Variants in CLSTN1 observed in about 807,000 individuals in gnomAD.
The protein encoded by CLSTN1 is calsyntenin 1.
CLSTN1 carries 28 observed loss-of-function variants against 108.3 expected under a neutral mutation model. The ratio of observed to expected loss-of-function variants is 0.26; its 90% CI spans 0.19 to 0.35. The LOEUF (loss-of-function observed/expected upper bound fraction) is 0.35. CLSTN1 is among the 10% of genes least tolerant of loss of function. CLSTN1 has a pLI of 1.00. For synonymous variants in CLSTN1, 524 were observed against 534.9 expected, an observed-to-expected ratio of 0.98 and a Z score of 0.28; for missense variants, 1,157 against 1,302.6, an observed-to-expected ratio of 0.89 and a Z score of 1.72.
In CLSTN1 at chr1:9,762,455, T is replaced by C. The variant is rs138409905; in HGVS notation, c.215-5945A>G. Among the ~76,000 whole-genome samples the C allele has an allele frequency of 4.3e-3, 593 of 137,488 alleles. 9 individuals are homozygous for C. The highest frequency in any genetic ancestry group is 0.043 in the East Asian group (213 of 5,010). The allele number at this position is 137,488 out of a possible 152,430, so 90.2% of individuals were successfully genotyped here. A position where few individuals can be genotyped will look rare whatever the true frequency, so the allele number is the denominator to read the frequency against. On this transcript the variant is annotated intron_variant, in intron 2 of 18. Transcript: ENST00000377298. ...CAGCCTAGGCGACAGAGCGAGACTC[T>C]GTCTCAAAAAAAAAAAAAAAGAGAA...
chr1:9,787,496 C>T (rs553678377), intron 1 of CLSTN1, among the ~76,000 whole-genome samples: 3 of 148,502 alleles, frequency 2.0e-5, no homozygotes, highest in Admixed American at 6.9e-5. Context: ...CTCCGCCTCC[C>T]GGGTTCACGC....
chr1:9,749,408 C>T (rs1384680132), intron 7 of CLSTN1, 53 bp downstream of exon 7: 1 of 1,474,624 alleles, frequency 6.8e-7, no homozygotes, highest in East Asian at 2.3e-5. Context: ...TTGTAAAGGT[C>T]CCTCCCACCT....
rs1013814498 is a variant in CLSTN1, at chr1:9,730,793, G to A, written c.2749-88C>T. The A allele has an allele frequency of 5.4e-6, 7 of 1,285,136 alleles. No individual in the cohort carries two copies. In the African/African-American group the frequency reaches 8.8e-5, roughly 16 times the overall value. The allele number at this position is 1,285,136 out of a possible 1,614,324, so 79.6% of individuals were successfully genotyped here. ...TCTCCTCTCGACAGCCACAGAGGAA[G>A]GAGAACTTGCCCCAGCGTCTCCCTC... On this transcript the variant is annotated intron_variant, in intron 18 of 18. Transcript: ENST00000377298. This position sits in a 1 kb window ranked among gnomAD's most constrained non-coding sequence, Gnocchi z 5.6.
At position 9,741,064 on chromosome 1, in the gene CLSTN1, G is replaced by A. The variant is rs768911972; in HGVS notation, c.1519+30C>T. The A allele has an allele frequency of 5.0e-6, 8 of 1,602,388 alleles. No individual in the cohort carries two copies. In the Admixed American group the frequency reaches 6.7e-5, roughly 13 times the overall value. Reference sequence around the variant, plus strand: ...AGTAAAGAGGTACAACTTAATTCTCGAGTCGAGGGCGGGGGGTAATGACAG... The same window carrying A: ...AGTAAAGAGGTACAACTTAATTCTCAAGTCGAGGGCGGGGGGTAATGACAG... On this transcript the variant is annotated intron_variant, in intron 10 of 18. Coordinates refer to ENST00000377298, the MANE Select transcript of CLSTN1 (RefSeq NM_001009566.3).
intron 1 of CLSTN1, among the ~76,000 whole-genome samples, chr1:9,820,296 G>A (rs1655143497): frequency 6.6e-6 from 1 of 152,150 alleles, no homozygotes; most frequent in African/African-American, 2.4e-5. Context: ...GAGGCAGGCG[G>A]ATCACTTGAG....
chr1:9,756,657 A>C, intron 2 of CLSTN1, 147 bp from the exon 3 acceptor site: 1 of 627,578 alleles, frequency 1.6e-6, no homozygotes, highest in Non-Finnish European at 2.8e-6. Context: ...AGCAAAACCT[A>C]ATCTTCAGGA....
In CLSTN1 at chr1:9,730,954, ACT is replaced by A. The variant is rs2101069860; in HGVS notation, c.2748+250_2749-250del. On this transcript the variant is annotated intron_variant, in intron 18 of 18. Transcript: ENST00000377298. This position sits in a 1 kb window ranked among gnomAD's most constrained non-coding sequence, Gnocchi z 5.6. The stretch of plus-strand genomic sequence containing the variant: ...AGCACCTCAGCTGCCCCACCAGAGA[ACT>A]CTCTCAGGATTACCATGACCCAAGA... 6.6e-6 allele frequency among the ~76,000 whole-genome samples: 1 copy of A among 152,076 alleles called. No homozygotes were observed. Among genetic ancestry groups the A allele is most frequent in the East Asian group, 1.9e-4 (1 of 5,170 alleles).
chr1:9,770,418 G>A (rs928594568), intron 2 of CLSTN1, among the ~76,000 whole-genome samples: 8 of 152,238 alleles, frequency 5.3e-5, no homozygotes, highest in Non-Finnish European at 7.3e-5. Context: ...AACACTCGGC[G>A]TACATTTCAT....
chr1:9,730,515 C>T lies in CLSTN1; in HGVS notation c.2939G>A (p.Ser980Asn), dbSNP rs1365109069. The T allele has an allele frequency of 2.5e-6, 4 of 1,603,778 alleles. No homozygotes were observed. The highest frequency in any genetic ancestry group is 3.4e-6 in the Non-Finnish European group (4 of 1,179,914). Residue 980 changes from serine to asparagine, a missense_variant, in exon 19 of 19, where the codon AGC (serine) becomes AAC (asparagine). By Grantham distance (46) the Ser-to-Asn change is conservative. Transcript: ENST00000377298. This position sits in a 1 kb window ranked among gnomAD's most constrained non-coding sequence, Gnocchi z 5.6. The part of the protein sequence containing the change: ...QQLEWDDSTL[S>N]Y ...GGTGGCCGGGGGCACGGGTCAGTAG[C>T]TGAGGGTGGAGTCATCCCACTCCAG...
chr1:9,759,109 C>T (rs1022733669), intron 2 of CLSTN1, among the ~76,000 whole-genome samples: 1 of 152,200 alleles, frequency 6.6e-6, no homozygotes, highest in African/African-American at 2.4e-5. Context: ...CTTGGCACAG[C>T]AAGTCCCACT....
intron 1 of CLSTN1, among the ~76,000 whole-genome samples, chr1:9,808,417 A>G (rs541413686): frequency 6.6e-6 from 1 of 152,304 alleles, no homozygotes; most frequent in South Asian, 2.1e-4. Context: ...TCTGACAGTC[A>G]CTTTTGGAGC....
chr1:9,735,363 C>A (rs576004276), intron 13 of CLSTN1, 104 bp downstream of exon 13: 2 of 1,511,310 alleles, frequency 1.3e-6, no homozygotes, highest in Non-Finnish European at 1.8e-6. Flanking sequence ...TGGTTACACA[C>A]GATGGCTCAC....
chr1:9,795,228 C>T (rs1653936852), intron 1 of CLSTN1, among the ~76,000 whole-genome samples: 1 of 150,406 alleles, frequency 6.6e-6, no homozygotes, highest in Admixed American at 6.8e-5. Context: ...TACAGTGGCC[C>T]GATCTCGGCT....
At chr1:9,796,678 C>T (rs968351361) in intron 1 of CLSTN1, among the ~76,000 whole-genome samples, 4 of 149,734 alleles carry the variant, frequency 2.7e-5, no homozygotes, top group South Asian at 4.4e-4. Flanking sequence ...AGCGAGACTC[C>T]GCCTCAAAAA....
rs1242809583 is a variant in CLSTN1 at position 9,759,716 on chromosome 1, C to T, written c.215-3206G>A. ...ATCATTGCGAAAGAGATCCGAGGGG[C>T]CCCAAAGCTTAAAATAGTCCCTATC... On this transcript the variant is annotated intron_variant, in intron 2 of 18. Coordinates refer to ENST00000377298, the MANE Select transcript of CLSTN1 (RefSeq NM_001009566.3). 5.9e-5 allele frequency among the ~76,000 whole-genome samples: 9 copies of T among 152,168 alleles called. 1 individual carries two copies. Among genetic ancestry groups the T allele is most frequent in the Admixed American group, 1.3e-4 (2 of 15,276 alleles).
chr1:9,760,364 C>T (rs80228620), intron 2 of CLSTN1, among the ~76,000 whole-genome samples: 1 of 152,144 alleles, frequency 6.6e-6, no homozygotes, highest in African/African-American at 2.4e-5. Context: ...TCCACACCAG[C>T]CTTGCAACCG....
chr1:9,736,380 CCAGCCTCTCCAGCCA>C (rs1650691688), intron 11 of CLSTN1, among the ~76,000 whole-genome samples: 1 of 152,198 alleles, frequency 6.6e-6, no homozygotes, highest in Non-Finnish European at 1.5e-5. Context: ...TCCTACGCCA[CCAGCCTCTCCAGCCA>C]CTGCCTTCTC....
intron 1 of CLSTN1, among the ~76,000 whole-genome samples, chr1:9,821,751 T>C (rs1454793635): frequency 6.6e-6 from 1 of 152,214 alleles, no homozygotes; most frequent in African/African-American, 2.4e-5. Context: ...TAGCATTTCG[T>C]GTAATTCCAA....
chr1:9,777,509 C>T (rs977226107), intron 1 of CLSTN1, among the ~76,000 whole-genome samples: 1 of 151,970 alleles, frequency 6.6e-6, no homozygotes, highest in East Asian at 1.9e-4. Context: ...GACAACAGAG[C>T]GAGACTATGT....
Sources: gnomAD v4.1 joint callset for allele counts (sites outside exome capture counted in the v4.1 genomes callset) on GRCh38, gnomAD v4.1.1 for gene constraint, Gnocchi (gnomAD v3.1) non-coding constraint, MANE v1.5 for transcripts, NCBI Gene and HGNC (gene_info 2026-07-23, HGNC 2026-07-21) for gene names.